DNAH10: variants seen among roughly 807,000 people sequenced by gnomAD.
DNAH10 encodes axonemal beta dynein heavy chain 10.
DNAH10 carries 348 observed loss-of-function variants against 506.6 expected under a neutral mutation model. That is an observed-to-expected ratio of 0.69 (90% CI 0.63 to 0.75). The LOEUF (loss-of-function observed/expected upper bound fraction) is 0.75, where lower values mean the gene tolerates loss of function less well. Ranked by LOEUF, DNAH10 falls within the 30% of genes least tolerant of loss-of-function variation. The pLI, the probability that DNAH10 is intolerant of heterozygous loss-of-function variation, is 0.00. For synonymous variants in DNAH10, 2,059 were observed against 2,198.6 expected, an observed-to-expected ratio of 0.94 and a Z score of 1.78; for missense variants, 5,179 against 5,787.1, an observed-to-expected ratio of 0.89 and a Z score of 3.41.
rs1266079568 is a variant in DNAH10 at position 123,928,976 on chromosome 12, C to G, written c.12307-299C>G. On this transcript the variant is annotated intron_variant, in intron 70 of 78. Coordinates refer to ENST00000673944, the MANE Select transcript of DNAH10 (RefSeq NM_001372106.1). The surrounding 1 kb of genome is among the most constrained non-coding windows in gnomAD (Gnocchi z 4.9). ...TCTTTTGGAAAGGTTTTGTCATTCTCTGTCTCTCTCTCTCTCTCTGGGGAG... is the reference window on the plus strand; with the variant it reads ...TCTTTTGGAAAGGTTTTGTCATTCTGTGTCTCTCTCTCTCTCTCTGGGGAG... 2 of 484,592 alleles carry G rather than the reference C, an allele frequency of 4.1e-6. No homozygotes were observed. Among genetic ancestry groups the G allele is most frequent in the Admixed American group, 4.0e-5 (1 of 25,230 alleles). 30.0% of individuals were successfully genotyped at this position (484,592 alleles called of 1,614,324 possible). A position where few individuals can be genotyped will look rare whatever the true frequency, so the allele number is the denominator to read the frequency against.
chr12:123,764,998 C>G (rs1956965428), intron 1 of DNAH10, among the ~76,000 whole-genome samples: 1 of 151,996 alleles, frequency 6.6e-6, no homozygotes, highest in Non-Finnish European at 1.5e-5. Context: ...AACAGTTTCC[C>G]TAGATTATTT....
rs116391745 is a variant in DNAH10 at position 123,831,374 on chromosome 12, A to G, written c.4545+675A>G. 5.1e-3 allele frequency among the ~76,000 whole-genome samples: 778 copies of G among 152,312 alleles called. 6 individuals carry two copies. The highest frequency in any genetic ancestry group is 0.018 in the African/African-American group (743 of 41,558). On this transcript the variant is annotated intron_variant, in intron 26 of 78. Transcript: ENST00000673944. ...CACACATACACATATCCCTACACAT[A>G]TATGTATATAGTCAGGTGTCACCTA... is the stretch of plus-strand genomic sequence containing the variant.
intron 30 of DNAH10, among the ~76,000 whole-genome samples, chr12:123,843,040 C>T (rs756925896): frequency 5.3e-5 from 8 of 152,222 alleles, no homozygotes; most frequent in Non-Finnish European, 1.2e-4. Flanking sequence ...GAAGTTTACA[C>T]CAGCATCAGT....
At chr12:123,863,510 A>G (rs781403343) in intron 39 of DNAH10, among the ~76,000 whole-genome samples, 27 of 152,042 alleles carry the variant, frequency 1.8e-4, no homozygotes, top group Middle Eastern at 3.4e-3. Flanking sequence ...GCAGGACTGC[A>G]CTCCCTCCGA....
intron 3 of DNAH10, 49 bp from the exon 4 acceptor site, chr12:123,772,785 T>C (rs779784154): frequency 1.4e-6 from 2 of 1,381,114 alleles, no homozygotes; most frequent in Non-Finnish European, 2.0e-6. Flanking sequence ...GTTCTTTAGG[T>C]GAATGGATGT....
chr12:123,886,699 T>C (rs1479054745), intron 51 of DNAH10, among the ~76,000 whole-genome samples: 1 of 149,584 alleles, frequency 6.7e-6, no homozygotes, highest in Non-Finnish European at 1.5e-5. Context: ...CAGTCGCTGG[T>C]TGCAATGAAA....
At chr12:123,860,071 G>A (rs1363214842) in intron 38 of DNAH10, among the ~76,000 whole-genome samples, 2 of 151,578 alleles carry the variant, frequency 1.3e-5, no homozygotes, top group African/African-American at 4.8e-5. Context: ...AAAGCCTGCA[G>A]TGAATTGAAA....
At position 123,785,808 on chromosome 12, in the gene DNAH10, C is replaced by A. The variant is rs767291816; in HGVS notation, c.1293C>A (p.Ala431=). 1 of 1,614,126 alleles carries A rather than the reference C, an allele frequency of 6.2e-7. No individual in the cohort carries two copies. The highest frequency in any genetic ancestry group is 8.5e-7 in the Non-Finnish European group (1 of 1,180,022). The change falls in exon 9 of 79, where the codon GCC becomes GCA. Residue 431 remains alanine (A), a synonymous_variant. Coordinates refer to ENST00000673944, the MANE Select transcript of DNAH10 (RefSeq NM_001372106.1). The surrounding 1 kb of genome is among the most constrained non-coding windows in gnomAD (Gnocchi z 4.1). ...ACACCATCCCCGCCATGATGAGTGC[C>A]CTGCGGATGGTGTGGATCATCTCCC... The part of the protein sequence containing the change: ...VLDTIPAMMS[A]LRMVWIISRH...
Position 123,913,248 on chromosome 12 carries a change from G to A in DNAH10, c.10285G>A (p.Glu3429Lys), listed in dbSNP as rs1018306646. 6.2e-6 allele frequency: 10 copies of A among 1,608,892 alleles called. No homozygotes were observed. The African/African-American group carries it at 9.4e-5, about 15-fold the overall frequency. ...AAAGCAGAAGCTGCAGGAAGAAGCCGAGATCATGGAGAGGCGGCTGATTGC... is the reference window on the plus strand; with the variant it reads ...AAAGCAGAAGCTGCAGGAAGAAGCCAAGATCATGGAGAGGCGGCTGATTGC... ...LEKQKLQEEA[E>K]IMERRLIAAD... is the part of the protein sequence containing the mutation. The change falls in exon 60 of 79, where the codon GAG (glutamate) becomes AAG (lysine). Residue 3429 changes from glutamate to lysine, a missense_variant. Glu to Lys is a moderately conservative substitution (Grantham distance 56, BLOSUM62 1). This residue lies in a region of DNAH10 where 4,844 missense variants were observed against 5,430.5 expected (regional missense o/e 0.89). Transcript: ENST00000673944. The surrounding 1 kb of genome is among the most constrained non-coding windows in gnomAD (Gnocchi z 5.1).
In DNAH10 at chr12:123,853,568, C is replaced by T. The variant is rs767301475; in HGVS notation, c.6438+216C>T. On this transcript the variant is annotated intron_variant, in intron 36 of 78. Coordinates refer to ENST00000673944, the MANE Select transcript of DNAH10 (RefSeq NM_001372106.1). The surrounding 1 kb of genome is among the most constrained non-coding windows in gnomAD (Gnocchi z 4.7). Reference sequence around the variant, plus strand: ...ACCTTAAGGTCAAGTGCAATGTCTTCGCTCCAATAGCAACATTTATGATGC... The same window carrying T: ...ACCTTAAGGTCAAGTGCAATGTCTTTGCTCCAATAGCAACATTTATGATGC... Among the ~76,000 whole-genome samples, 2 of 152,134 alleles carry T rather than the reference C, an allele frequency of 1.3e-5. No homozygotes were observed.
intron 65 of DNAH10, among the ~76,000 whole-genome samples, chr12:123,922,170 G>A (rs2137587845): frequency 6.6e-6 from 1 of 152,060 alleles, no homozygotes; most frequent in Admixed American, 6.5e-5. Context: ...GTCAAGAGAT[G>A]GAGACCATCC....
chr12:123,875,961 C>T (rs1326953501), intron 47 of DNAH10, among the ~76,000 whole-genome samples: 38 of 152,188 alleles, frequency 2.5e-4, no homozygotes, highest in Non-Finnish European at 2.9e-5. Context: ...GTAAAGGGTG[C>T]CTAGTGCACA....
intron 5 of DNAH10, among the ~76,000 whole-genome samples, chr12:123,778,408 A>G (rs1471583739): frequency 1.3e-5 from 2 of 152,168 alleles, no homozygotes; most frequent in Non-Finnish European, 2.9e-5. Flanking sequence ...AATATATTCA[A>G]ATACAGCCAG....
chr12:123,862,036 CGCT>C (rs1951632374), intron 39 of DNAH10, among the ~76,000 whole-genome samples: 1 of 152,140 alleles, frequency 6.6e-6, no homozygotes, highest in South Asian at 2.1e-4. Context: ...TGGGTTTGTC[CGCT>C]GCTTCTTCAT....
chr12:123,812,429 C>T (rs552373473), intron 19 of DNAH10, among the ~76,000 whole-genome samples: 51 of 152,076 alleles, frequency 3.4e-4, no homozygotes, highest in African/African-American at 1.2e-3. Context: ...CCAGCCTAGG[C>T]GACAGAGCGA....
At position 123,772,958 on chromosome 12, in the gene DNAH10, G is replaced by A. The variant is rs148518818; in HGVS notation, c.505+16G>A. 2.1e-4 allele frequency: 322 copies of A among 1,570,142 alleles called. 1 individual carries two copies. The Admixed American group carries it at 2.7e-3, about 13-fold the overall frequency. On this transcript the variant is annotated intron_variant, in intron 4 of 78. Coordinates refer to ENST00000673944, the MANE Select transcript of DNAH10 (RefSeq NM_001372106.1). Reference sequence around the variant, plus strand: ...AATACCAAAGGTACATTTCTGGCACGTGTGTGTGTATGTGTGTTGAGGGGG... The same window carrying A: ...AATACCAAAGGTACATTTCTGGCACATGTGTGTGTATGTGTGTTGAGGGGG...
Position 123,914,504 on chromosome 12 carries a change from C to T in DNAH10, c.10528C>T (p.Pro3510Ser). ...ILEREIPLSQ[P>S]FRLESLLTDD... ...GGAGCGGGAGATCCCCCTGAGCCAG[C>T]CTTTCCGGCTGGAAAGCCTGCTCAC... is the stretch of plus-strand genomic sequence containing the variant. The change falls in exon 61 of 79, where the codon CCT becomes TCT. Residue 3510 changes from proline (P) to serine (S), a missense_variant. By Grantham distance (74) the Pro-to-Ser change is moderately conservative (BLOSUM62 -1). Transcript: ENST00000673944. 3 of 1,613,702 alleles carry T rather than the reference C, an allele frequency of 1.9e-6. No homozygotes were observed. Among genetic ancestry groups the T allele is most frequent in the Non-Finnish European group, 2.5e-6 (3 of 1,179,884 alleles).
rs202061578 is a variant in DNAH10 at position 123,913,291 on chromosome 12, C to T, written c.10328C>T (p.Ser3443Leu). Residue 3443 changes from serine to leucine, a missense_variant, in exon 60 of 79, where the codon TCG becomes TTG. Coordinates refer to ENST00000673944, the MANE Select transcript of DNAH10 (RefSeq NM_001372106.1). This position sits in a 1 kb window ranked among gnomAD's most constrained non-coding sequence, Gnocchi z 5.1. ...CTGATTGCCGCAGACAAACTCATCT[C>T]GGGTCTGGGGTCAGAAAACATCAGG... ...RRLIAADKLISGLGSENIRWL... is the reference protein window; with the variant it reads ...RRLIAADKLILGLGSENIRWL... 1.3e-4 allele frequency: 203 copies of T among 1,602,284 alleles called. No individual in the cohort carries two copies. The highest frequency in any genetic ancestry group is 2.5e-4 in the African/African-American group (19 of 74,720).
intron 5 of DNAH10, among the ~76,000 whole-genome samples, chr12:123,774,626 A>G (rs999755540): frequency 4.6e-5 from 7 of 152,254 alleles, no homozygotes; most frequent in Non-Finnish European, 1.0e-4. Context: ...GATGGGCCGA[A>G]TTAAAGAAAT....
Sources: allele counts gnomAD v4.1 joint callset (sites outside exome capture counted in the v4.1 genomes callset), GRCh38; gene constraint gnomAD v4.1.1; regional missense constraint gnomAD v4.1.1; non-coding constraint Gnocchi (gnomAD v3.1); transcripts MANE v1.5; gene names NCBI Gene and HGNC (gene_info 2026-07-23, HGNC 2026-07-21).